Variants in NWD1 observed in about 807,000 individuals in gnomAD.
The protein encoded by NWD1 is NACHT domain- and WD repeat-containing protein 1.
In NWD1, 129 loss-of-function variants were observed where a neutral mutation model predicts 135.1. The ratio of observed to expected loss-of-function variants is 0.96; its 90% CI spans 0.83 to 1.11. The LOEUF (loss-of-function observed/expected upper bound fraction) is 1.11. Among genes scored for constraint, NWD1 ranks in the 50% least tolerant of loss-of-function variants. The pLI is 0.00. For missense variants in NWD1, 1,740 were observed against 1,851.3 expected, an observed-to-expected ratio of 0.94 and a Z score of 1.10; for synonymous variants, 773 against 786.0, an observed-to-expected ratio of 0.98 and a Z score of 0.28.
At chr19:16,776,707 T>A (rs1214416293) in intron 11 of NWD1, among the ~76,000 whole-genome samples, 2 of 141,236 alleles carry the variant, frequency 1.4e-5, no homozygotes, top group Non-Finnish European at 3.0e-5. Flanking sequence ...GGCAAGAAGA[T>A]CTCTTGGGCC....
chr19:16,781,730 G>A (rs1469439153), intron 12 of NWD1, among the ~76,000 whole-genome samples: 1 of 152,060 alleles, frequency 6.6e-6, no homozygotes, highest in Non-Finnish European at 1.5e-5. Flanking sequence ...GAATAAATAA[G>A]TTAAAATATC....
At position 16,731,228 on chromosome 19, in the gene NWD1, C is replaced by A; in HGVS notation, c.31C>A (p.Pro11Thr). MQRGKPCRAL[P>T]TLKCQTFCQR... is the part of the protein sequence containing the mutation. Reference sequence around the variant, plus strand: ...GAGAGGGAAGCCCTGCAGAGCACTGCCTACCCTGAAGTGCCAGACCTTCTG... The same window carrying A: ...GAGAGGGAAGCCCTGCAGAGCACTGACTACCCTGAAGTGCCAGACCTTCTG... The change falls in exon 3 of 19, where the codon CCT (proline) becomes ACT (threonine). Residue 11 changes from proline to threonine, a missense_variant. By Grantham distance (38) the Pro-to-Thr change is conservative. Transcript: ENST00000524140. 1 of 1,534,890 alleles carries A rather than the reference C, an allele frequency of 6.5e-7. No individual in the cohort carries two copies. The highest frequency in any genetic ancestry group is 8.7e-7 in the Non-Finnish European group (1 of 1,145,792).
At position 16,779,550 on chromosome 19, in the gene NWD1, C is replaced by G. The variant is rs189090180; in HGVS notation, c.2731+85C>G. 3.0e-3 allele frequency: 3,974 copies of G among 1,303,782 alleles called. 7 individuals carry two copies. Among genetic ancestry groups the G allele is most frequent in the Non-Finnish European group, 3.7e-3 (3,424 of 917,466 alleles). 80.8% of individuals were successfully genotyped at this position (1,303,782 alleles called of 1,614,324 possible). ...GCCCCTTCCCCACAGATTCACTTCT[C>G]TGTATTGAAACCCTGGCCTTTGTTC... is the stretch of plus-strand genomic sequence containing the variant. On this transcript the variant is annotated intron_variant, in intron 12 of 18. Coordinates refer to ENST00000524140, the MANE Select transcript of NWD1 (RefSeq NM_001007525.5).
rs1969422785 is a variant in NWD1 at position 16,771,803 on chromosome 19, C to T, written c.2411-1323C>T. ...GAATGGGGACCATTCAACATAACATCCTAAATGATCCAACGCGATCACGAG... is the reference window on the plus strand; with the variant it reads ...GAATGGGGACCATTCAACATAACATTCTAAATGATCCAACGCGATCACGAG... On this transcript the variant is annotated intron_variant, in intron 10 of 18. Transcript: ENST00000524140. Among the ~76,000 whole-genome samples the T allele has an allele frequency of 2.0e-5, 3 of 151,622 alleles. No individual in the cohort carries two copies. The South Asian group carries it at 6.3e-4, about 32-fold the overall frequency.
At chr19:16,756,957 T>C (rs1478172211) in intron 6 of NWD1, among the ~76,000 whole-genome samples, 1 of 152,126 alleles carries the variant, frequency 6.6e-6, no homozygotes, top group Non-Finnish European at 1.5e-5. Flanking sequence ...TTGAACCTTA[T>C]GAGAATCTAA....
intron 6 of NWD1, among the ~76,000 whole-genome samples, chr19:16,754,705 ATCCATCCATCCATCCATCATCTCT>A (rs532543299): frequency 2.7e-5 from 4 of 146,530 alleles, no homozygotes; most frequent in Non-Finnish European, 6.0e-5. Context: ...CATCTCTAGC[ATCCATCCATCCATCCATCATCTCT>A]ATCTTCCTTC....
At chr19:16,758,152 T>A (rs773845) in intron 6 of NWD1, among the ~76,000 whole-genome samples, 1 of 151,902 alleles carries the variant, frequency 6.6e-6, no homozygotes, top group Non-Finnish European at 1.5e-5. Context: ...ACTTGAAAGG[T>A]GCTTCACACA....
At chr19:16,751,149 G>A (rs945229043) in intron 6 of NWD1, among the ~76,000 whole-genome samples, 3 of 151,354 alleles carry the variant, frequency 2.0e-5, no homozygotes, top group Non-Finnish European at 4.4e-5. Flanking sequence ...ACTTGAATCC[G>A]GGAGGTGGAG....
chr19:16,745,091 C>T, intron 5 of NWD1: 2 of 471,550 alleles, frequency 4.2e-6, no homozygotes, highest in Middle Eastern at 3.7e-4. Flanking sequence ...GGGGAGGCCT[C>T]ACAATCATGG....
chr19:16,753,105 T>A (rs1968643583), intron 6 of NWD1, among the ~76,000 whole-genome samples: 1 of 152,146 alleles, frequency 6.6e-6, no homozygotes, highest in African/African-American at 2.4e-5. Flanking sequence ...ATGGAAACTG[T>A]CATAAAAATC....
At chr19:16,748,574 C>T (rs912155323) in intron 5 of NWD1, among the ~76,000 whole-genome samples, 2 of 152,036 alleles carry the variant, frequency 1.3e-5, no homozygotes, top group African/African-American at 2.4e-5. Flanking sequence ...CGCCTGTAAT[C>T]CCAGCACTTT....
At chr19:16,798,575 C>A (rs1970496062) in intron 16 of NWD1, among the ~76,000 whole-genome samples, 1 of 152,166 alleles carries the variant, frequency 6.6e-6, no homozygotes, top group Non-Finnish European at 1.5e-5. Context: ...TACGCCACTG[C>A]ACTTCAGCCT....
chr19:16,754,428 C>T (rs917160432), intron 6 of NWD1, among the ~76,000 whole-genome samples: 1 of 150,798 alleles, frequency 6.6e-6, no homozygotes, highest in Admixed American at 6.6e-5. Context: ...ATCCGCCCAT[C>T]ATTTCTATCT....
chr19:16,790,685 T>C (rs891093215), intron 13 of NWD1, among the ~76,000 whole-genome samples: 1 of 151,550 alleles, frequency 6.6e-6, no homozygotes, highest in Non-Finnish European at 1.5e-5. Context: ...ACACTTGAAA[T>C]GTGACTGTCC....
chr19:16,787,648 T>C (rs1970081205), intron 12 of NWD1, among the ~76,000 whole-genome samples: 1 of 151,668 alleles, frequency 6.6e-6, no homozygotes, highest in Non-Finnish European at 1.5e-5. Flanking sequence ...TCACCTGAGG[T>C]CAGGAGCTTG....
intron 13 of NWD1, among the ~76,000 whole-genome samples, chr19:16,790,325 C>A (rs554096517): frequency 3.7e-4 from 57 of 152,144 alleles, no homozygotes; most frequent in Non-Finnish European, 6.3e-4. Flanking sequence ...ACACTGTAAG[C>A]ACCAAATAAT....
chr19:16,752,346 T>G (rs568519505), intron 6 of NWD1, among the ~76,000 whole-genome samples: 29 of 152,238 alleles, frequency 1.9e-4, no homozygotes, highest in African/African-American at 6.7e-4. Flanking sequence ...AGAAACACAT[T>G]CATGCTAGTG....
intron 11 of NWD1, among the ~76,000 whole-genome samples, chr19:16,778,879 G>A (rs1360556115): frequency 6.6e-6 from 1 of 152,134 alleles, no homozygotes; most frequent in Non-Finnish European, 1.5e-5. Flanking sequence ...AACTAAGGCA[G>A]GGTTTCTCAG....
At chr19:16,772,095 G>A (rs563119578) in intron 10 of NWD1, among the ~76,000 whole-genome samples, 3 of 152,124 alleles carry the variant, frequency 2.0e-5, no homozygotes, top group Non-Finnish European at 2.9e-5. Context: ...TCTGAGCACA[G>A]TGGCTCACGC....
Sources: gnomAD v4.1 joint callset for allele counts (sites outside exome capture counted in the v4.1 genomes callset) on GRCh38, gnomAD v4.1.1 for gene constraint, MANE v1.5 for transcripts, NCBI Gene and HGNC (gene_info 2026-07-23, HGNC 2026-07-21) for gene names.